Variants in CHST8 observed in about 807,000 individuals in gnomAD.
The protein encoded by CHST8 is GALNAC-4-ST1.
Under a neutral mutation model 15.0 loss-of-function variants are expected in CHST8, and 10 were observed. The observed-to-expected ratio is 0.67, with a 90% CI of 0.41 to 1.13. The LOEUF is 1.13. Among genes scored for constraint, CHST8 ranks in the 50% most tolerant of loss-of-function variants. The probability of loss-of-function intolerance (pLI) is 0.00; values close to 1 mark genes in which losing one functional copy is unlikely to be tolerated. For missense variants in CHST8, 634 were observed against 608.2 expected, an observed-to-expected ratio of 1.04 and a Z score of -0.45; for synonymous variants, 259 against 256.6, an observed-to-expected ratio of 1.01 and a Z score of -0.09.
intron 3 of CHST8, among the ~76,000 whole-genome samples, chr19:33,693,711 T>C (rs1320215899): frequency 6.6e-6 from 1 of 152,134 alleles, no homozygotes; most frequent in East Asian, 1.9e-4. Context: ...CCCAATAAAT[T>C]AGGTGAATCT....
chr19:33,642,013 G>T (rs1250420848), intron 1 of CHST8, among the ~76,000 whole-genome samples: 2 of 152,226 alleles, frequency 1.3e-5, no homozygotes, highest in Non-Finnish European at 2.9e-5. Flanking sequence ...CACTGACAAG[G>T]TGGATGATTT....
At chr19:33,688,782 C>T (rs1433060695) in intron 2 of CHST8, among the ~76,000 whole-genome samples, 3 of 152,152 alleles carry the variant, frequency 2.0e-5, no homozygotes, top group Admixed American at 6.5e-5. Flanking sequence ...GGGACAAGGA[C>T]CCAGGTTCCC....
At position 33,690,057 on chromosome 19, in the gene CHST8, C is replaced by T. The variant is rs1182060768; in HGVS notation, c.130+666C>T. Among the ~76,000 whole-genome samples the T allele has an allele frequency of 2.0e-5, 3 of 152,104 alleles. 1 individual carries two copies. ...AAGGTTTCTGCTGCCGGGACACGGT[C>T]CCCATCCCCAGAGATATGGAAGGAC... On this transcript the variant is annotated intron_variant, in intron 3 of 4. Transcript: ENST00000650847.
intron 3 of CHST8, among the ~76,000 whole-genome samples, chr19:33,757,416 A>G (rs1457618263): frequency 0.021 from 180 of 8,502 alleles, 3 homozygotes; most frequent in Admixed American, 0.025. Flanking sequence ...GAAAGAAAGA[A>G]AGAAAGAAAG....
At chr19:33,771,722 G>T (rs573590809) in intron 4 of CHST8, among the ~76,000 whole-genome samples, 1 of 152,236 alleles carries the variant, frequency 6.6e-6, no homozygotes, top group South Asian at 2.1e-4. Context: ...CCCAGGCCAG[G>T]TTCCTGGGAG....
Position 33,772,714 on chromosome 19 carries a change from C to A in CHST8, c.926C>A (p.Pro309His). 6.2e-7 allele frequency: 1 copy of A among 1,613,430 alleles called. No homozygotes were observed. Among genetic ancestry groups the A allele is most frequent in the South Asian group, 1.1e-5 (1 of 91,074 alleles). Reference protein sequence around the residue: ...ALRTGSGVRFPEFVQYLLDVH... With the variant: ...ALRTGSGVRFHEFVQYLLDVH... ...CGGACCGGCTCTGGGGTGCGTTTTC[C>A]CGAGTTCGTCCAGTACCTGCTGGAC... The change falls in exon 5 of 5, where the codon CCC becomes CAC. Residue 309 changes from proline to histidine, a missense_variant. Coordinates refer to ENST00000650847, the MANE Select transcript of CHST8 (RefSeq NM_001127895.2).
chr19:33,714,730 T>A (rs181967605), intron 3 of CHST8, among the ~76,000 whole-genome samples: 41 of 152,324 alleles, frequency 2.7e-4, no homozygotes, highest in African/African-American at 9.1e-4. Flanking sequence ...CTCGTGATAG[T>A]GAATGAGTCT....
rs71181374 is a variant in CHST8, at chr19:33,659,059, C to CTTTTTTTTTTTTTT, written c.-163-8698_-163-8685dup. ...TTATTGTTTCATGGTTAGGTAATGA[C>CTTTTTTTTTTTTTT]TTTTTTTTTTTTTTTTTTTTTTTGA... On this transcript the variant is annotated intron_variant, in intron 1 of 4. Transcript: ENST00000650847. 8.9e-5 allele frequency among the ~76,000 whole-genome samples: 7 copies of CTTTTTTTTTTTTTT among 78,842 alleles called. 1 individual carries two copies. Among genetic ancestry groups the CTTTTTTTTTTTTTT allele is most frequent in the East Asian group, 8.0e-4 (2 of 2,494 alleles). 51.7% of individuals were successfully genotyped at this position (78,842 alleles called of 152,430 possible).
intron 3 of CHST8, among the ~76,000 whole-genome samples, chr19:33,734,848 G>A (rs1361358236): frequency 6.6e-6 from 1 of 152,126 alleles, no homozygotes; most frequent in Non-Finnish European, 1.5e-5. Flanking sequence ...GTGAGGTGGG[G>A]GTGAGGTTCT....
At chr19:33,725,446 G>C (rs912762416) in intron 3 of CHST8, among the ~76,000 whole-genome samples, 2 of 152,180 alleles carry the variant, frequency 1.3e-5, no homozygotes, top group Non-Finnish European at 2.9e-5. Flanking sequence ...TCCCTGCAGT[G>C]GCCCAGGGTC....
intron 3 of CHST8, among the ~76,000 whole-genome samples, chr19:33,702,944 G>A (rs555343952): frequency 4.6e-5 from 7 of 152,356 alleles, no homozygotes; most frequent in Admixed American, 2.0e-4. Context: ...GCTGGGGGCT[G>A]GGGAGGGATG....
chr19:33,726,936 C>T (rs1446085883), intron 3 of CHST8, among the ~76,000 whole-genome samples: 1 of 151,752 alleles, frequency 6.6e-6, no homozygotes, highest in African/African-American at 2.4e-5. Context: ...GTGCTCCCCT[C>T]CCAGCTCCTG....
At chr19:33,745,593 C>T (rs950841597) in intron 3 of CHST8, among the ~76,000 whole-genome samples, 8 of 152,172 alleles carry the variant, frequency 5.3e-5, no homozygotes, top group Non-Finnish European at 1.5e-5. Flanking sequence ...GTGAATTGCA[C>T]GGGGCTGGGA....
At chr19:33,749,682 A>G (rs1426554090) in intron 3 of CHST8, among the ~76,000 whole-genome samples, 1 of 151,544 alleles carries the variant, frequency 6.6e-6, no homozygotes, top group African/African-American at 2.4e-5. Flanking sequence ...TCTTACTGCT[A>G]CTCACCCACC....
chr19:33,750,425 C>T (rs916196909), intron 3 of CHST8, among the ~76,000 whole-genome samples: 1 of 152,188 alleles, frequency 6.6e-6, no homozygotes, highest in East Asian at 1.9e-4. Flanking sequence ...TGAGAGCCAT[C>T]CATCCGGGAG....
intron 2 of CHST8, among the ~76,000 whole-genome samples, chr19:33,677,610 G>C (rs1041546926): frequency 6.6e-6 from 1 of 152,146 alleles, no homozygotes; most frequent in African/African-American, 2.4e-5. Context: ...TTCTCAAATA[G>C]CTCCATGGTA....
At chr19:33,706,972 G>A (rs1020389576) in intron 3 of CHST8, among the ~76,000 whole-genome samples, 1 of 152,126 alleles carries the variant, frequency 6.6e-6, no homozygotes, top group East Asian at 1.9e-4. Flanking sequence ...TTTTAGAGAC[G>A]TTTACTGAAA....
chr19:33,710,717 T>C (rs947729747), intron 3 of CHST8, among the ~76,000 whole-genome samples: 3 of 152,244 alleles, frequency 2.0e-5, no homozygotes, highest in African/African-American at 7.2e-5. Flanking sequence ...TCAATGTTCA[T>C]GCCTGATTCC....
intron 1 of CHST8, among the ~76,000 whole-genome samples, chr19:33,634,981 T>G (rs1972174244): frequency 6.6e-6 from 1 of 152,140 alleles, no homozygotes; most frequent in African/African-American, 2.4e-5. Context: ...CCAGCAGCCT[T>G]GCTCACCCCC....
Sources: gnomAD v4.1 joint callset for allele counts (sites outside exome capture counted in the v4.1 genomes callset) on GRCh38, gnomAD v4.1.1 for gene constraint, MANE v1.5 for transcripts, NCBI Gene and HGNC (gene_info 2026-07-23, HGNC 2026-07-21) for gene names.